C12orf56: variants seen among roughly 807,000 people sequenced by gnomAD.
C12orf56 encodes the protein uncharacterized protein C12orf56.
Under a neutral mutation model 69.9 loss-of-function variants are expected in C12orf56, and 71 were observed. The ratio of observed to expected loss-of-function variants is 1.02; its 90% CI spans 0.84 to 1.24. The LOEUF (loss-of-function observed/expected upper bound fraction) is 1.24. Among genes scored for constraint, C12orf56 ranks in the 50% most tolerant of loss-of-function variants. The pLI, the probability that C12orf56 is intolerant of heterozygous loss-of-function variation, is 0.00. For missense variants in C12orf56, 732 were observed against 738.5 expected (o/e 0.99, Z 0.10); for synonymous variants, 276 against 274.1 (o/e 1.01, Z -0.07).
At chr12:64,345,081 T>G (rs2039122645) in intron 2 of C12orf56, among the ~76,000 whole-genome samples, 1 of 152,208 alleles carries the variant, frequency 6.6e-6, no homozygotes, top group Admixed American at 6.5e-5. Flanking sequence ...TCCAGATTGT[T>G]GTTTAAAAAA....
chr12:64,358,992 G>A (rs1483651955), intron 1 of C12orf56, among the ~76,000 whole-genome samples: 1 of 152,056 alleles, frequency 6.6e-6, no homozygotes, highest in Middle Eastern at 3.2e-3. Context: ...AAAATAGGGC[G>A]CTTCACCAGA....
chr12:64,310,422 C>CTAT (rs1212917371), intron 5 of C12orf56, among the ~76,000 whole-genome samples: 4 of 152,202 alleles, frequency 2.6e-5, no homozygotes, highest in Non-Finnish European at 5.9e-5. Context: ...CTTCCGCATT[C>CTAT]ACTAGCTGGA....
intron 2 of C12orf56, among the ~76,000 whole-genome samples, chr12:64,334,353 C>T (rs1380841539): frequency 6.6e-6 from 1 of 152,160 alleles, no homozygotes; most frequent in Non-Finnish European, 1.5e-5. Flanking sequence ...AAATTACACA[C>T]ACACACATAC....
intron 3 of C12orf56, among the ~76,000 whole-genome samples, chr12:64,329,778 T>C (rs908729765): frequency 1.1e-4 from 16 of 149,432 alleles, no homozygotes; most frequent in African/African-American, 4.0e-4. Context: ...TATGCCGTGT[T>C]TGGTTTTTTG....
rs1030114483 is a variant in C12orf56, at chr12:64,390,328, C to G, written c.238G>C (p.Val80Leu). 19 of 1,609,326 alleles carry G rather than the reference C, an allele frequency of 1.2e-5. No homozygotes were observed. Among genetic ancestry groups the G allele is most frequent in the Non-Finnish European group, 1.6e-5 (19 of 1,178,902 alleles). ...GCGCCGCTCACCAGGTCAATGGCCA[C>G]GACGTCCCGCAGAGCCACTACCCGC... Reference protein sequence around the residue: ...IRRVVALRDVVAIDLIDDYPE... With the variant: ...IRRVVALRDVLAIDLIDDYPE... Residue 80 changes from valine to leucine, a missense_variant, in exon 1 of 13, where the codon GTG becomes CTG. Val to Leu is a conservative substitution (Grantham distance 32, BLOSUM62 1). Transcript: ENST00000543942.
chr12:64,319,953 G>A (rs1350143030), intron 3 of C12orf56, among the ~76,000 whole-genome samples: 2 of 151,732 alleles, frequency 1.3e-5, no homozygotes, highest in African/African-American at 2.4e-5. Context: ...CTGAGCTTTC[G>A]CTCCCCGTCC....
intron 9 of C12orf56, among the ~76,000 whole-genome samples, chr12:64,277,405 C>G (rs1385891308): frequency 6.6e-6 from 1 of 151,940 alleles, no homozygotes; most frequent in Non-Finnish European, 1.5e-5. Flanking sequence ...ATAAAGAATG[C>G]TAATTACTTT....
Position 64,352,996 on chromosome 12 carries a change from T to A in C12orf56, c.313A>T (p.Ile105Phe). 2 of 1,612,812 alleles carry A rather than the reference T, an allele frequency of 1.2e-6. No individual in the cohort carries two copies. Reference protein sequence around the residue: ...PDREISQHIRIIYSSTVLKKE... With the variant: ...PDREISQHIRFIYSSTVLKKE... ...TTCAAAACGGTTGAAGAATAGATGA[T>A]ACGAATGTGTTGGCTGATTTCTCTA... Residue 105 changes from isoleucine (I) to phenylalanine (F), a missense_variant, in exon 2 of 13, where the codon ATC becomes TTC. Physicochemically the swap from Ile to Phe is conservative, Grantham distance 21 (BLOSUM62 0). Transcript: ENST00000543942.
At chr12:64,342,369 C>T (rs1003861496) in intron 2 of C12orf56, among the ~76,000 whole-genome samples, 2 of 152,202 alleles carry the variant, frequency 1.3e-5, no homozygotes, top group African/African-American at 2.4e-5. Flanking sequence ...GAGAAAGAGG[C>T]CGTAGTGCTG....
intron 1 of C12orf56, among the ~76,000 whole-genome samples, chr12:64,371,119 C>G (rs1392272048): frequency 1.3e-5 from 2 of 152,154 alleles, no homozygotes; most frequent in Non-Finnish European, 2.9e-5. Context: ...AACTGGGTAT[C>G]AGCCAGACAC....
At position 64,318,987 on chromosome 12, in the gene C12orf56, G is replaced by C; in HGVS notation, c.489-7C>G. 1 of 1,460,720 alleles carries C rather than the reference G, an allele frequency of 6.8e-7. No individual in the cohort carries two copies. Among genetic ancestry groups the C allele is most frequent in the South Asian group, 1.4e-5 (1 of 71,304 alleles). 90.5% of individuals were successfully genotyped at this position (1,460,720 alleles called of 1,614,324 possible). On this transcript the variant is annotated splice_polypyrimidine_tract_variant and splice_region_variant and intron_variant, in intron 3 of 12. Coordinates refer to ENST00000543942, the MANE Select transcript of C12orf56 (RefSeq NM_001170633.2). The stretch of plus-strand genomic sequence containing the variant: ...ACTGCTCTCCTGCTGGTCCCTGTCA[G>C]GTAGAATTTAGTATTAAACATGACA...
chr12:64,319,002 T>C (rs1351677173), intron 3 of C12orf56, 22 bp from the exon 4 acceptor site: 1 of 1,438,844 alleles, frequency 7.0e-7, no homozygotes, highest in Non-Finnish European at 9.1e-7. Context: ...AATTTAGTAT[T>C]AAACATGACA....
intron 1 of C12orf56, among the ~76,000 whole-genome samples, chr12:64,383,320 C>A (rs542433489): frequency 3.1e-4 from 47 of 150,608 alleles, no homozygotes; most frequent in African/African-American, 1.0e-3. Flanking sequence ...AAAAAAAAAA[C>A]CAAGAAAAAC....
At chr12:64,270,056 G>A (rs1035002574) in intron 12 of C12orf56, among the ~76,000 whole-genome samples, 15 of 152,024 alleles carry the variant, frequency 9.9e-5, no homozygotes, top group African/African-American at 3.6e-4. Context: ...GGTTCTTAGA[G>A]GTCCCCAAAA....
chr12:64,318,914 C>G lies in C12orf56; in HGVS notation c.555G>C (p.Lys185Asn). 6.5e-7 allele frequency: 1 copy of G among 1,536,868 alleles called. No homozygotes were observed. Among genetic ancestry groups the G allele is most frequent in the Non-Finnish European group, 8.7e-7 (1 of 1,146,746 alleles). ...AGGCACCTTGGCCATGAAGGGACAG[C>G]TTTTTGAGGCCTGGACGAGGACAGA... is the stretch of plus-strand genomic sequence containing the variant. ...STLCPRPGLK[K>N]LSLHGQGAFR... Residue 185 changes from lysine (K) to asparagine (N), a missense_variant, in exon 4 of 13, where the codon AAG becomes AAC. Physicochemically the swap from Lys to Asn is moderately conservative, Grantham distance 94. Coordinates refer to ENST00000543942, the MANE Select transcript of C12orf56 (RefSeq NM_001170633.2).
intron 1 of C12orf56, among the ~76,000 whole-genome samples, chr12:64,384,473 T>C (rs2039761144): frequency 6.6e-6 from 1 of 152,128 alleles, no homozygotes; most frequent in South Asian, 2.1e-4. Context: ...ATAAAACTAG[T>C]GATTAAAAAT....
At chr12:64,366,443 G>A (rs1263417440) in intron 1 of C12orf56, among the ~76,000 whole-genome samples, 1 of 26,872 alleles carries the variant, frequency 3.7e-5, no homozygotes, top group Non-Finnish European at 7.3e-5. Flanking sequence ...ATAACATACA[G>A]TTTATATATA....
intron 1 of C12orf56, among the ~76,000 whole-genome samples, chr12:64,362,282 A>C (rs1288104427): frequency 6.6e-6 from 1 of 152,114 alleles, no homozygotes; most frequent in Non-Finnish European, 1.5e-5. Flanking sequence ...CTTGCTTTGG[A>C]AGGAACTGTT....
At chr12:64,377,193 C>CTTT (rs751240899) in intron 1 of C12orf56, among the ~76,000 whole-genome samples, 5 of 128,224 alleles carry the variant, frequency 3.9e-5, no homozygotes, top group African/African-American at 5.8e-5. Context: ...CCTTTGCCCA[C>CTTT]TTTTTTTTTT....
Sources: gnomAD v4.1 joint callset for allele counts (sites outside exome capture counted in the v4.1 genomes callset) on GRCh38, gnomAD v4.1.1 for gene constraint, MANE v1.5 for transcripts, NCBI Gene and HGNC (gene_info 2026-07-23, HGNC 2026-07-21) for gene names.